Variants in LOC128125817 observed in about 807,000 individuals in gnomAD.
the LOC128125817 span, among the ~76,000 whole-genome samples, chr1:41,607,068 C>T: frequency 6.6e-6 from 1 of 152,120 alleles, no homozygotes; most frequent in Non-Finnish European, 1.5e-5. Flanking sequence ...AGGCAATCCT[C>T]CCACCTCAGC....
the LOC128125817 span, among the ~76,000 whole-genome samples, chr1:41,598,226 C>G: frequency 6.6e-6 from 1 of 152,182 alleles, no homozygotes; most frequent in Non-Finnish European, 1.5e-5. Flanking sequence ...GACCCAAATT[C>G]CACATTTGCT....
the LOC128125817 span, among the ~76,000 whole-genome samples, chr1:41,606,375 T>G: frequency 6.6e-6 from 1 of 152,046 alleles, no homozygotes; most frequent in African/African-American, 2.4e-5. Flanking sequence ...CAGATTTTTG[T>G]TATATGTTAT....
chr1:41,597,967 C>T, the LOC128125817 span, among the ~76,000 whole-genome samples: 1 of 152,226 alleles, frequency 6.6e-6, no homozygotes, highest in Non-Finnish European at 1.5e-5. Flanking sequence ...TATCCACCTA[C>T]CTATCTCATT....
the LOC128125817 span, among the ~76,000 whole-genome samples, chr1:41,622,456 T>TA: frequency 1.3e-5 from 2 of 152,228 alleles, no homozygotes; most frequent in Admixed American, 1.3e-4. Flanking sequence ...GCTAAGGGTC[T>TA]GGATTCATCC....
chr1:41,593,964 C>T, the LOC128125817 span, among the ~76,000 whole-genome samples: 4 of 152,294 alleles, frequency 2.6e-5, no homozygotes, highest in African/African-American at 7.2e-5. Context: ...ACCTGCAAAG[C>T]TGGTAACAGC....
chr1:41,602,173 A>G, the LOC128125817 span, among the ~76,000 whole-genome samples: 1 of 152,088 alleles, frequency 6.6e-6, no homozygotes, highest in African/African-American at 2.4e-5. Context: ...TTTTGCATCT[A>G]TATTCATTAA....
chr1:41,602,468 G>A, the LOC128125817 span, among the ~76,000 whole-genome samples: 1 of 151,988 alleles, frequency 6.6e-6, no homozygotes, highest in Admixed American at 6.6e-5. Context: ...TCATAATTTA[G>A]TCTTGTATTT....
the LOC128125817 span, among the ~76,000 whole-genome samples, chr1:41,608,935 AT>A: frequency 3.3e-5 from 5 of 150,240 alleles, no homozygotes; most frequent in African/African-American, 7.4e-5. Context: ...AAAAAAAAAA[AT>A]AGCCAGGTGT....
the LOC128125817 span, among the ~76,000 whole-genome samples, chr1:41,627,786 C>T: frequency 6.6e-6 from 1 of 152,202 alleles, no homozygotes; most frequent in Non-Finnish European, 1.5e-5. Context: ...CAAGCCTTGG[C>T]TGCATCAGAA....
At chr1:41,591,200 C>G in the LOC128125817 span, among the ~76,000 whole-genome samples, 1 of 152,202 alleles carries the variant, frequency 6.6e-6, no homozygotes, top group Non-Finnish European at 1.5e-5. Flanking sequence ...ATAAGACTGA[C>G]TGGGGTTACC....
At chr1:41,595,762 A>C in the LOC128125817 span, among the ~76,000 whole-genome samples, 1 of 152,174 alleles carries the variant, frequency 6.6e-6, no homozygotes. Flanking sequence ...GTAGAAGAAC[A>C]TGAAAAGACT....
the LOC128125817 span, among the ~76,000 whole-genome samples, chr1:41,591,719 A>T: frequency 6.6e-6 from 1 of 152,048 alleles, no homozygotes; most frequent in Non-Finnish European, 1.5e-5. Context: ...AGTGAGGACC[A>T]TGGCAGAGCG....
the LOC128125817 span, among the ~76,000 whole-genome samples, chr1:41,604,600 A>G: frequency 4.6e-5 from 7 of 152,176 alleles, no homozygotes; most frequent in Admixed American, 1.3e-4. Flanking sequence ...ACCTCTCACC[A>G]TGTAAGAATG....
At chr1:41,605,404 C>CAT in the LOC128125817 span, among the ~76,000 whole-genome samples, 1 of 148,104 alleles carries the variant, frequency 6.8e-6, no homozygotes, top group East Asian at 1.9e-4. Flanking sequence ...CACACACACA[C>CAT]ACATACATAT....
chr1:41,618,484 C>T, the LOC128125817 span, among the ~76,000 whole-genome samples: 2 of 152,210 alleles, frequency 1.3e-5, no homozygotes, highest in Admixed American at 1.3e-4. Flanking sequence ...CTCCTGGCAG[C>T]CTCCTACCGA....
the LOC128125817 span, among the ~76,000 whole-genome samples, chr1:41,626,548 A>G: frequency 2.0e-5 from 3 of 151,800 alleles, no homozygotes; most frequent in African/African-American, 7.3e-5. Context: ...CCCCATCTGT[A>G]CTCCCTGGAC....
the LOC128125817 span, among the ~76,000 whole-genome samples, chr1:41,606,735 T>G: frequency 6.6e-6 from 1 of 151,900 alleles, no homozygotes; most frequent in Non-Finnish European, 1.5e-5. Flanking sequence ...AAAAAACTAT[T>G]TTTTTCAAAG....
At chr1:41,613,865 T>A in the LOC128125817 span, among the ~76,000 whole-genome samples, 1 of 152,234 alleles carries the variant, frequency 6.6e-6, no homozygotes, top group Non-Finnish European at 1.5e-5. Context: ...TTTCCATCTC[T>A]ATAAATTTGC....
chr1:41,619,931 A>G, the LOC128125817 span, among the ~76,000 whole-genome samples: 1 of 152,172 alleles, frequency 6.6e-6, no homozygotes, highest in South Asian at 2.1e-4. Context: ...GCTTTTAGGC[A>G]TCCTGAATTT....
Sources: allele counts gnomAD v4.1 joint callset (sites outside exome capture counted in the v4.1 genomes callset), GRCh38; gene constraint gnomAD v4.1.1; transcripts MANE v1.5.